CNTN4: variants seen among roughly 807,000 people sequenced by gnomAD.
The protein encoded by CNTN4 is contactin 4.
In CNTN4, 77 loss-of-function variants were observed where a neutral mutation model predicts 122.5. The observed-to-expected ratio is 0.63, with a 90% CI of 0.52 to 0.76. The LOEUF (loss-of-function observed/expected upper bound fraction) is 0.76, where lower values mean the gene tolerates loss of function less well. Among genes scored for constraint, CNTN4 ranks in the 30% least tolerant of loss-of-function variants. CNTN4 has a pLI of 0.00. For synonymous variants in CNTN4, 512 were observed against 447.0 expected, an observed-to-expected ratio of 1.15 and a Z score of -1.83; for missense variants, 1,256 against 1,259.1, an observed-to-expected ratio of 1.00 and a Z score of 0.04.
At chr3:2,345,528 G>A (rs2044369206) in intron 3 of CNTN4, among the ~76,000 whole-genome samples, 1 of 152,142 alleles carries the variant, frequency 6.6e-6, no homozygotes, top group South Asian at 2.1e-4. Context: ...GGAATATCAG[G>A]AGCATGGGTG....
At chr3:2,497,937 C>T (rs559980694) in intron 3 of CNTN4, among the ~76,000 whole-genome samples, 8 of 152,104 alleles carry the variant, frequency 5.3e-5, no homozygotes, top group Admixed American at 3.3e-4. Context: ...TTTACTTGCT[C>T]ACTTCTACTC....
chr3:3,048,009 T>G (rs979730095), intron 23 of CNTN4, among the ~76,000 whole-genome samples: 1 of 152,178 alleles, frequency 6.6e-6, no homozygotes, highest in African/African-American at 2.4e-5. Context: ...ACTTTCTGAG[T>G]TCTTCTTAAT....
chr3:2,400,437 ATATATATATATATC>A (rs1479092888), intron 3 of CNTN4, among the ~76,000 whole-genome samples: 6 of 136,046 alleles, frequency 4.4e-5, no homozygotes, highest in East Asian at 4.0e-4. Context: ...ACATATATAT[ATATATATATATATC>A]TCTTTTTTTC....
At chr3:2,140,243 C>T (rs1317833881) in intron 2 of CNTN4, among the ~76,000 whole-genome samples, 2 of 152,154 alleles carry the variant, frequency 1.3e-5, no homozygotes, top group African/African-American at 4.8e-5. Context: ...CAGACTAATA[C>T]ACCACCTGAA....
chr3:2,632,543 C>G, intron 4 of CNTN4, among the ~76,000 whole-genome samples: 1 of 152,198 alleles, frequency 6.6e-6, no homozygotes, highest in East Asian at 1.9e-4. Flanking sequence ...TTATGTCTCT[C>G]TTCTCATGCT....
At chr3:2,788,087 AT>A (rs2091898314) in intron 6 of CNTN4, among the ~76,000 whole-genome samples, 1 of 152,078 alleles carries the variant, frequency 6.6e-6, no homozygotes, top group Non-Finnish European at 1.5e-5. Flanking sequence ...TATAGTATTA[AT>A]AATAATATAT....
chr3:3,037,463 G>A (rs1289051095), intron 18 of CNTN4, 135 bp downstream of exon 18: 9 of 1,285,168 alleles, frequency 7.0e-6, no homozygotes, highest in Non-Finnish European at 1.0e-5. Flanking sequence ...TGTTTATAAT[G>A]ATAGAAATCA....
At chr3:2,130,184 T>C (rs923025509) in intron 2 of CNTN4, among the ~76,000 whole-genome samples, 1 of 152,154 alleles carries the variant, frequency 6.6e-6, no homozygotes, top group African/African-American at 2.4e-5. Context: ...CAACTTTTCT[T>C]GTTTATTTTA....
At chr3:2,549,597 T>C (rs1321736028) in intron 3 of CNTN4, among the ~76,000 whole-genome samples, 2 of 152,136 alleles carry the variant, frequency 1.3e-5, no homozygotes, top group African/African-American at 2.4e-5. Flanking sequence ...TGAATTCCTT[T>C]TGCCAGTATT....
intron 2 of CNTN4, among the ~76,000 whole-genome samples, chr3:2,254,149 C>G (rs1447518293): frequency 1.4e-5 from 2 of 144,620 alleles, no homozygotes; most frequent in African/African-American, 5.1e-5. Context: ...GTTGGGTTTT[C>G]TGTTCCTGTT....
chr3:2,436,870 T>C (rs2048276064), intron 3 of CNTN4, among the ~76,000 whole-genome samples: 2 of 150,212 alleles, frequency 1.3e-5, no homozygotes, highest in South Asian at 4.2e-4. Context: ...ATTTTATAAA[T>C]AGATATGGAG....
chr3:2,654,216 T>G (rs948769310), intron 4 of CNTN4, among the ~76,000 whole-genome samples: 2 of 152,188 alleles, frequency 1.3e-5, no homozygotes, highest in African/African-American at 4.8e-5. Context: ...AAAAAGAGTT[T>G]TTTTGACCAC....
At chr3:2,462,261 C>A (rs1347410357) in intron 3 of CNTN4, among the ~76,000 whole-genome samples, 1 of 152,186 alleles carries the variant, frequency 6.6e-6, no homozygotes, top group East Asian at 1.9e-4. Context: ...TTTATCATGA[C>A]TGCAATTCTG....
At chr3:2,804,065 G>GCGCACA (rs2092408259) in intron 6 of CNTN4, among the ~76,000 whole-genome samples, 1 of 144,326 alleles carries the variant, frequency 6.9e-6, no homozygotes, top group African/African-American at 2.6e-5. Flanking sequence ...ATATATGTCT[G>GCGCACA]CACACACACA....
At chr3:2,878,135 C>T (rs1489672337) in intron 8 of CNTN4, among the ~76,000 whole-genome samples, 2 of 152,142 alleles carry the variant, frequency 1.3e-5, no homozygotes. Flanking sequence ...GTACTACTGC[C>T]ATATATACAC....
At chr3:2,836,853 C>T (rs1224936220) in intron 7 of CNTN4, among the ~76,000 whole-genome samples, 1 of 151,964 alleles carries the variant, frequency 6.6e-6, no homozygotes, top group Non-Finnish European at 1.5e-5. Flanking sequence ...CATCATGGCA[C>T]ATATATATCT....
intron 2 of CNTN4, among the ~76,000 whole-genome samples, chr3:2,132,028 A>T (rs1025991038): frequency 6.6e-6 from 1 of 152,188 alleles, no homozygotes; most frequent in Non-Finnish European, 1.5e-5. Flanking sequence ...GCAGTAGGGG[A>T]GATCCTGCAT....
At chr3:2,185,302 C>G (rs535133069) in intron 2 of CNTN4, among the ~76,000 whole-genome samples, 82 of 152,312 alleles carry the variant, frequency 5.4e-4, no homozygotes, top group African/African-American at 1.8e-3. Flanking sequence ...CTCTCTTCCT[C>G]TGACCTTTGC....
intron 2 of CNTN4, among the ~76,000 whole-genome samples, chr3:2,177,655 T>C: frequency 1.0e-5 from 1 of 100,184 alleles, no homozygotes; most frequent in Admixed American, 1.1e-4. Flanking sequence ...TGTGTGTGTG[T>C]TTGTGTGTGT....
Sources: allele counts gnomAD v4.1 joint callset (sites outside exome capture counted in the v4.1 genomes callset), GRCh38; gene constraint gnomAD v4.1.1; transcripts MANE v1.5; gene names NCBI Gene and HGNC (gene_info 2026-07-23, HGNC 2026-07-21).